The following CRLS1 variants were observed in gnomAD, a reference collection of about 807,000 sequenced individuals.
CRLS1 encodes the protein cardiolipin synthase (CMP-forming).
CRLS1 carries 24 observed loss-of-function variants against 37.0 expected under a neutral mutation model. The observed-to-expected ratio is 0.65, with a 90% confidence interval of 0.47 to 0.91. CRLS1 has a LOEUF of 0.91. CRLS1 is among the 40% of genes least tolerant of loss of function. CRLS1 has a pLI of 0.00. For synonymous variants in CRLS1, 135 were observed against 159.7 expected (o/e 0.85, Z 1.17); for missense variants, 373 against 395.8 (o/e 0.94, Z 0.49).
At chr20:6,023,638 GT>G (rs11480139) in intron 3 of CRLS1, among the ~76,000 whole-genome samples, 20 of 144,958 alleles carry the variant, frequency 1.4e-4, no homozygotes, top group African/African-American at 2.6e-4. Context: ...AAAAATCTTT[GT>G]TTTTTTTTTT....
At chr20:6,018,171 A>G (rs1335444294) in intron 3 of CRLS1, among the ~76,000 whole-genome samples, 2 of 145,558 alleles carry the variant, frequency 1.4e-5, no homozygotes, top group African/African-American at 2.6e-5. Context: ...AGCCGAGATT[A>G]TACCACTGCA....
chr20:6,012,927 T>C (rs1978446929), intron 2 of CRLS1, among the ~76,000 whole-genome samples: 1 of 152,110 alleles, frequency 6.6e-6, no homozygotes, highest in African/African-American at 2.4e-5. Flanking sequence ...TGTGTCGAGG[T>C]CAGGTACTCT....
At chr20:6,012,660 T>C (rs1425118592) in intron 2 of CRLS1, among the ~76,000 whole-genome samples, 1 of 152,160 alleles carries the variant, frequency 6.6e-6, no homozygotes, top group East Asian at 1.9e-4. Context: ...CACATAGAAG[T>C]ATCAGTTGGG....
At chr20:6,032,641 A>T (rs1980253498) in intron 5 of CRLS1, among the ~76,000 whole-genome samples, 1 of 152,160 alleles carries the variant, frequency 6.6e-6, no homozygotes, top group Non-Finnish European at 1.5e-5. Flanking sequence ...AATAGGAAAA[A>T]GTTTTGTTCA....
intron 3 of CRLS1, among the ~76,000 whole-genome samples, chr20:6,024,437 G>A (rs1600376096): frequency 1.3e-5 from 2 of 152,174 alleles, no homozygotes; most frequent in South Asian, 4.1e-4. Flanking sequence ...TTAATCAAGA[G>A]TGAACTTAAT....
At chr20:6,020,799 T>TA (rs11480536) in intron 3 of CRLS1, among the ~76,000 whole-genome samples, 1 of 25,374 alleles carries the variant, frequency 3.9e-5, no homozygotes, top group African/African-American at 2.0e-4. Flanking sequence ...ATTTTTTGTA[T>TA]TTTTTTTTTT....
intron 2 of CRLS1, among the ~76,000 whole-genome samples, chr20:6,014,793 T>C (rs915788969): frequency 1.3e-5 from 2 of 152,144 alleles, no homozygotes; most frequent in African/African-American, 4.8e-5. Flanking sequence ...TTATTTTTAA[T>C]CACAATAATA....
chr20:6,032,731 C>G (rs1054989349), intron 5 of CRLS1, among the ~76,000 whole-genome samples: 10 of 152,194 alleles, frequency 6.6e-5, no homozygotes, highest in Non-Finnish European at 1.5e-4. Context: ...CAGTCTACCT[C>G]TCAAGCCATA....
rs2090055150 is a variant in CRLS1 at position 6,006,405 on chromosome 20, G to T, written c.159G>T (p.Pro53=). 1.4e-6 allele frequency: 2 copies of T among 1,406,804 alleles called. No homozygotes were observed. Among genetic ancestry groups the T allele is most frequent in the Admixed American group, 5.3e-5 (2 of 37,766 alleles). The allele number at this position is 1,406,804 out of a possible 1,614,324, so 87.1% of individuals were successfully genotyped here. ...TGGCCGAACGCTGGAGGCTGCGTCC[G>T]GCCGCTCTTGGCTTGCGGCTGCCCG... is the stretch of plus-strand genomic sequence containing the variant. ...GCLAERWRLR[P]AALGLRLPGI... Residue 53 remains proline (P), a synonymous_variant, in exon 1 of 7, where the codon CCG becomes CCT. Transcript: ENST00000378863.
intron 3 of CRLS1, among the ~76,000 whole-genome samples, chr20:6,017,252 C>T (rs1978832787): frequency 6.6e-6 from 1 of 152,098 alleles, no homozygotes; most frequent in Admixed American, 6.6e-5. Context: ...TTGTGAAGAC[C>T]CTCTTCCATA....
At chr20:6,013,709 GTAT>G (rs1978516924) in intron 2 of CRLS1, among the ~76,000 whole-genome samples, 1 of 152,216 alleles carries the variant, frequency 6.6e-6, no homozygotes, top group South Asian at 2.1e-4. Context: ...TTGCTAGGCA[GTAT>G]TGGGTGCCCA....
intron 3 of CRLS1, among the ~76,000 whole-genome samples, chr20:6,029,854 T>A (rs1363223639): frequency 7.9e-5 from 12 of 151,148 alleles, no homozygotes; most frequent in Non-Finnish European, 1.6e-4. Context: ...AATAGTATTA[T>A]CCATCAAGGA....
chr20:6,006,112 G>T (rs780845438), upstream of CRLS1: 41 of 420,220 alleles, frequency 9.8e-5, no homozygotes, highest in Non-Finnish European at 1.5e-4. Flanking sequence ...GTGTGCTGGG[G>T]TGTGTAAAGT....
rs538171456 is a variant in CRLS1, at chr20:6,015,159, T to C, written c.445-202T>C. 9.2e-5 allele frequency among the ~76,000 whole-genome samples: 14 copies of C among 152,226 alleles called. No homozygotes were observed. In the South Asian group the frequency reaches 2.9e-3, roughly 32 times the overall value. On this transcript the variant is annotated intron_variant, in intron 2 of 6. Coordinates refer to ENST00000378863, the MANE Select transcript of CRLS1 (RefSeq NM_019095.6). ...GAGGGGGAAAGAAAATAAATGTGCA[T>C]TTATTTTAAGACCAGTTGCTAATTT...
intron 5 of CRLS1, 102 bp from the exon 6 acceptor site, chr20:6,034,362 G>T (rs577275848): frequency 4.8e-5 from 35 of 726,398 alleles, no homozygotes; most frequent in Non-Finnish European, 7.3e-5. Context: ...CATGCTGAGG[G>T]TATGTCATGT....
chr20:6,030,501 T>G (rs1980081926), intron 3 of CRLS1, among the ~76,000 whole-genome samples: 2 of 152,116 alleles, frequency 1.3e-5, no homozygotes, highest in South Asian at 4.1e-4. Flanking sequence ...GGCAGGTAGA[T>G]CGCTTGAGCT....
intron 2 of CRLS1, among the ~76,000 whole-genome samples, chr20:6,011,568 C>T (rs2122922338): frequency 1.3e-5 from 1 of 74,178 alleles, no homozygotes; most frequent in South Asian, 5.3e-4. Context: ...TTCTTTTGTC[C>T]CTGCTTTTTT....
chr20:6,033,744 A>G (rs1376146730), intron 5 of CRLS1, among the ~76,000 whole-genome samples: 2 of 152,184 alleles, frequency 1.3e-5, no homozygotes, highest in East Asian at 3.9e-4. Context: ...CAGTGGCGCA[A>G]TCATAGCTCA....
At chr20:6,036,761 C>T (rs1007049367) in intron 6 of CRLS1, among the ~76,000 whole-genome samples, 4 of 151,998 alleles carry the variant, frequency 2.6e-5, no homozygotes, top group Non-Finnish European at 5.9e-5. Flanking sequence ...AGGATGAGTT[C>T]GTTGTAAGAA....
Sources: gnomAD v4.1 joint callset for allele counts (sites outside exome capture counted in the v4.1 genomes callset) on GRCh38, gnomAD v4.1.1 for gene constraint, MANE v1.5 for transcripts, NCBI Gene and HGNC (gene_info 2026-07-23, HGNC 2026-07-21) for gene names.